The following MDM2 variants were observed in gnomAD, a reference collection of about 807,000 sequenced individuals.
The protein encoded by MDM2 is MDM2 proto-oncogene.
In MDM2, 11 loss-of-function variants were observed where a neutral mutation model predicts 64.3. The ratio of observed to expected loss-of-function variants is 0.17; its 90% CI spans 0.11 to 0.28. The LOEUF is 0.28. MDM2 is among the 10% of genes least tolerant of loss of function. The pLI is 1.00. For synonymous variants in MDM2, 194 were observed against 192.9 expected (o/e 1.01, Z -0.05); for missense variants, 388 against 577.1 (o/e 0.67, Z 3.36).
At chr12:68,816,740 G>T in intron 3 of MDM2, 72 bp from the exon 4 acceptor site, 1 of 1,287,822 alleles carries the variant, frequency 7.8e-7, no homozygotes, top group Non-Finnish European at 1.1e-6. Context: ...CAGATAAATA[G>T]GATATTATTA....
Position 68,841,553 on chromosome 12 carries a change from T to TTA in MDM2, c.*1704_*1705insTA, listed in dbSNP as rs1883767769. 4.8e-6 allele frequency: 1 copy of TTA among 209,034 alleles called. No individual in the cohort carries two copies. Among genetic ancestry groups the TTA allele is most frequent in the Admixed American group, 5.9e-5 (1 of 16,914 alleles). The allele number at this position is 209,034 out of a possible 1,614,324, so 12.9% of individuals were successfully genotyped here. Reference sequence around the variant, plus strand: ...AACCTAGATTACATCAGGCCCTTTTTCACACACAAAAAAATCCTTTATGGG... The same window carrying TTA: ...AACCTAGATTACATCAGGCCCTTTTTTACACACACAAAAAAATCCTTTATGGG... On this transcript the variant is annotated 3_prime_UTR_variant, in exon 11 of 11. Transcript: ENST00000258149.
At position 68,829,035 on chromosome 12, in the gene MDM2, T is replaced by G. The variant is rs924239191; in HGVS notation, c.684+104T>G. On this transcript the variant is annotated intron_variant, in intron 8 of 10. Transcript: ENST00000258149. ...AGAATGTACATGTGTCTTACGAGAT[T>G]GATAGAAAACACAGTGCTAAATTTT... 43 of 1,165,630 alleles carry G rather than the reference T, an allele frequency of 3.7e-5. No homozygotes were observed. In the Admixed American group the frequency reaches 9.2e-4, roughly 25 times the overall value. 72.2% of individuals were successfully genotyped at this position (1,165,630 alleles called of 1,614,324 possible). A position where few individuals can be genotyped will look rare whatever the true frequency, so the allele number is the denominator to read the frequency against.
At chr12:68,836,636 G>T (rs1320807392) in intron 9 of MDM2, 36 bp from the exon 10 acceptor site, 1 of 1,424,134 alleles carries the variant, frequency 7.0e-7, no homozygotes, top group South Asian at 1.1e-5. Flanking sequence ...AAGGAAATAG[G>T]GCGATGAATT....
intron 8 of MDM2, among the ~76,000 whole-genome samples, chr12:68,833,428 T>TA (rs1883061901): frequency 7.0e-6 from 1 of 142,340 alleles, no homozygotes; most frequent in African/African-American, 2.6e-5. Context: ...TAAATATTTA[T>TA]TTTATATATT....
intron 8 of MDM2, among the ~76,000 whole-genome samples, chr12:68,835,398 C>G (rs1250995513): frequency 6.6e-6 from 1 of 152,170 alleles, no homozygotes; most frequent in Non-Finnish European, 1.5e-5. Flanking sequence ...AGGAAGCAAT[C>G]TAGATCTGGC....
chr12:68,816,661 G>GT lies in MDM2; in HGVS notation c.175-150dup, dbSNP rs1185399358. ...TGTGAGCCACTGCGCCCAGCCAAAA[G>GT]TAGCTTCTAAGTACAAAATGGTTGT... On this transcript the variant is annotated intron_variant, in intron 3 of 10. Transcript: ENST00000258149. The GT allele has an allele frequency of 5.9e-6, 4 of 672,510 alleles. No individual in the cohort carries two copies. In the African/African-American group the frequency reaches 7.6e-5, roughly 13 times the overall value. The allele number at this position is 672,510 out of a possible 1,614,324, so 41.7% of individuals were successfully genotyped here.
chr12:68,841,687 T>C lies in MDM2; in HGVS notation c.*1838T>C. ...GTTCCCAGCCTAGGTTTCAGACTTT[T>C]GCTTAAGGCCAGTTTTAGAAACCCG... On this transcript the variant is annotated 3_prime_UTR_variant, in exon 11 of 11. Coordinates refer to ENST00000258149, the MANE Select transcript of MDM2 (RefSeq NM_002392.6). 1 of 209,182 alleles carries C rather than the reference T, an allele frequency of 4.8e-6. No individual in the cohort carries two copies. Among genetic ancestry groups the C allele is most frequent in the Non-Finnish European group, 9.7e-6 (1 of 102,928 alleles). 13.0% of individuals were successfully genotyped at this position (209,182 alleles called of 1,614,324 possible). A position where few individuals can be genotyped will look rare whatever the true frequency, so the allele number is the denominator to read the frequency against.
rs1884125597 is a variant in MDM2, at chr12:68,844,759, TTTTA to T, written c.*4914_*4917del. 4.9e-6 allele frequency: 1 copy of T among 205,688 alleles called. No individual in the cohort carries two copies. Among genetic ancestry groups the T allele is most frequent in the Non-Finnish European group, 9.9e-6 (1 of 100,820 alleles). 12.7% of individuals were successfully genotyped at this position (205,688 alleles called of 1,614,324 possible). ...AGATTTTTTAAATCCTTAATAAGGG[TTTTA>T]TTTTATTTTTATTTATTTTTTGAGA... On this transcript the variant is annotated 3_prime_UTR_variant, in exon 11 of 11. Coordinates refer to ENST00000258149, the MANE Select transcript of MDM2 (RefSeq NM_002392.6).
Position 68,813,593 on chromosome 12 carries a change from G to A in MDM2, c.139G>A (p.Val47Ile), listed in dbSNP as rs1321827832. 1.9e-6 allele frequency: 3 copies of A among 1,613,600 alleles called. 1 individual carries two copies. In the South Asian group the frequency reaches 3.3e-5, roughly 18 times the overall value. Reference protein sequence around the residue: ...KPLLLKLLKSVGAQKDTYTMK... With the variant: ...KPLLLKLLKSIGAQKDTYTMK... ...ATTGCTTTTGAAGTTATTAAAGTCT[G>A]TTGGTGCACAAAAAGACACTTATAC... is the stretch of plus-strand genomic sequence containing the variant. The change falls in exon 3 of 11, where the codon GTT becomes ATT. Residue 47 changes from valine to isoleucine, a missense_variant. Transcript: ENST00000258149.
At chr12:68,822,045 C>CG (rs933689639) in intron 5 of MDM2, among the ~76,000 whole-genome samples, 4 of 152,010 alleles carry the variant, frequency 2.6e-5, no homozygotes, top group African/African-American at 9.7e-5. Flanking sequence ...TTGGTAGAGA[C>CG]GGTGTTGCTA....
At chr12:68,833,717 GGCT>G (rs1883090224) in intron 8 of MDM2, among the ~76,000 whole-genome samples, 1 of 152,062 alleles carries the variant, frequency 6.6e-6, no homozygotes, top group Non-Finnish European at 1.5e-5. Context: ...AAATAGGCAT[GGCT>G]GTGTTCAATA....
intron 1 of MDM2, chr12:68,808,925 T>A: frequency 7.3e-7 from 1 of 1,368,124 alleles, no homozygotes. Context: ...CTTGAGCTGG[T>A]CAAGTTCAGA....
chr12:68,833,149 A>ATATATATATAT (rs1555187767), intron 8 of MDM2, among the ~76,000 whole-genome samples: 16 of 65,946 alleles, frequency 2.4e-4, no homozygotes, highest in African/African-American at 9.8e-4. Context: ...AAAAAAAAAA[A>ATATATATATAT]ATATATATAT....
chr12:68,830,150 G>A (rs1882679283), intron 8 of MDM2, among the ~76,000 whole-genome samples: 2 of 151,944 alleles, frequency 1.3e-5, no homozygotes, highest in African/African-American at 2.4e-5. Flanking sequence ...TGTCGCCCAC[G>A]GAAACCAAAG....
Position 68,820,439 on chromosome 12 carries a change from G to A in MDM2, c.358+65G>A, listed in dbSNP as rs1881751310. On this transcript the variant is annotated intron_variant, in intron 5 of 10. Coordinates refer to ENST00000258149, the MANE Select transcript of MDM2 (RefSeq NM_002392.6). ...ACGTTTTAAAGACATTTTTGTTTATGTGCATATGTTTTATAATTGTGATTC... is the reference window on the plus strand; with the variant it reads ...ACGTTTTAAAGACATTTTTGTTTATATGCATATGTTTTATAATTGTGATTC... 5.0e-6 allele frequency: 6 copies of A among 1,189,506 alleles called. No homozygotes were observed. The Admixed American group carries it at 8.4e-5, about 17-fold the overall frequency. The allele number at this position is 1,189,506 out of a possible 1,614,324, so 73.7% of individuals were successfully genotyped here.
At chr12:68,838,787 T>G (rs1883505484) in intron 10 of MDM2, among the ~76,000 whole-genome samples, 1 of 152,212 alleles carries the variant, frequency 6.6e-6, no homozygotes, top group Admixed American at 6.5e-5. Flanking sequence ...GATAACTTTA[T>G]AGGTACATGA....
chr12:68,821,101 G>A (rs1471991149), intron 5 of MDM2, among the ~76,000 whole-genome samples: 1 of 140,966 alleles, frequency 7.1e-6, no homozygotes, highest in African/African-American at 2.7e-5. Flanking sequence ...AGGCTGGAGT[G>A]TAGTGGCATG....
chr12:68,843,475 A>G lies in MDM2; in HGVS notation c.*3626A>G, dbSNP rs369605393. 1.8e-5 allele frequency: 4 copies of G among 226,888 alleles called. No homozygotes were observed. Among genetic ancestry groups the G allele is most frequent in the South Asian group, 1.8e-4 (1 of 5,486 alleles). The allele number at this position is 226,888 out of a possible 1,614,324, so 14.1% of individuals were successfully genotyped here. ...TATGTATTTAACATTTAAAATTTCT[A>G]ATATAAGTATCTCTCAAACTGTGGA... On this transcript the variant is annotated 3_prime_UTR_variant, in exon 11 of 11. Transcript: ENST00000258149.
chr12:68,836,955 CTTTTT>C (rs35125243), intron 10 of MDM2, among the ~76,000 whole-genome samples: 1 of 136,732 alleles, frequency 7.3e-6, no homozygotes, highest in East Asian at 2.2e-4. Context: ...GGAATTTGAA[CTTTTT>C]TTTTTTTTTT....
Sources: gnomAD v4.1 joint callset for allele counts (sites outside exome capture counted in the v4.1 genomes callset) on GRCh38, gnomAD v4.1.1 for gene constraint, MANE v1.5 for transcripts, NCBI Gene and HGNC (gene_info 2026-07-23, HGNC 2026-07-21) for gene names.